The following GALNTL6 variants were observed in gnomAD, a reference collection of about 807,000 sequenced individuals.
GALNTL6 encodes polypeptide N-acetylgalactosaminyltransferase-like 6.
Under a neutral mutation model 73.7 loss-of-function variants are expected in GALNTL6, and 46 were observed. That is an observed-to-expected ratio of 0.62 (90% CI 0.49 to 0.80). GALNTL6 has a LOEUF of 0.80. GALNTL6 is among the 30% of genes least tolerant of loss of function. GALNTL6 has a pLI of 0.00. For missense variants in GALNTL6, 604 were observed against 755.0 expected (o/e 0.80, Z 2.34); for synonymous variants, 259 against 263.7 (o/e 0.98, Z 0.17).
chr4:172,909,775 T>C (rs959725430), intron 8 of GALNTL6, among the ~76,000 whole-genome samples: 2 of 152,120 alleles, frequency 1.3e-5, no homozygotes, highest in African/African-American at 4.8e-5. Context: ...ATTTTATTTC[T>C]ATTTACATAA....
intron 5 of GALNTL6, among the ~76,000 whole-genome samples, chr4:172,558,200 A>G (rs1400639800): frequency 6.6e-6 from 1 of 152,216 alleles, no homozygotes; most frequent in Non-Finnish European, 1.5e-5. Flanking sequence ...CATTGTTGCC[A>G]TTTGTGTGGG....
intron 2 of GALNTL6, among the ~76,000 whole-genome samples, chr4:171,857,276 A>T (rs1388125197): frequency 6.6e-6 from 1 of 152,206 alleles, no homozygotes; most frequent in Non-Finnish European, 1.5e-5. Context: ...AAAAAAAAGA[A>T]GTATATTGAA....
chr4:172,325,944 G>A (rs981909255), intron 4 of GALNTL6, among the ~76,000 whole-genome samples: 2 of 151,654 alleles, frequency 1.3e-5, no homozygotes, highest in Admixed American at 1.3e-4. Flanking sequence ...AATATTTATC[G>A]AAACAGACCA....
chr4:172,323,355 T>C (rs957449860), intron 4 of GALNTL6, among the ~76,000 whole-genome samples: 2 of 152,128 alleles, frequency 1.3e-5, no homozygotes, highest in African/African-American at 4.8e-5. Flanking sequence ...AAGATTAGAA[T>C]AGAAAAACAG....
At chr4:172,868,237 CTA>C (rs1456795777) in intron 7 of GALNTL6, among the ~76,000 whole-genome samples, 1 of 152,200 alleles carries the variant, frequency 6.6e-6, no homozygotes, top group Non-Finnish European at 1.5e-5. Flanking sequence ...CATCACAACA[CTA>C]TGCAAAAATC....
chr4:171,849,753 A>C (rs574935268), intron 2 of GALNTL6, among the ~76,000 whole-genome samples: 1 of 152,248 alleles, frequency 6.6e-6, no homozygotes, highest in African/African-American at 2.4e-5. Context: ...GAAGGTGGCC[A>C]TGCCGCAGGC....
intron 5 of GALNTL6, among the ~76,000 whole-genome samples, chr4:172,713,222 A>ATG (rs61504713): frequency 0.058 from 8,052 of 138,884 alleles, 237 homozygotes; most frequent in East Asian, 0.13. Context: ...AAAGAATAAG[A>ATG]TGTGTGTGTG....
In GALNTL6 at chr4:172,050,261, G is replaced by A; in HGVS notation, c.139-179395G>A. 1.3e-5 allele frequency among the ~76,000 whole-genome samples: 2 copies of A among 152,134 alleles called. 1 individual carries two copies. The highest frequency in any genetic ancestry group is 2.9e-5 in the Non-Finnish European group (2 of 68,034). On this transcript the variant is annotated intron_variant, in intron 2 of 12. Transcript: ENST00000506823. ...GGCACCAAGAAAGGAGAATCAGGCG[G>A]TTCAGGCTTTAGTCCCAACTTCCCC...
At position 172,359,801 on chromosome 4, in the gene GALNTL6, G is replaced by A. The variant is rs1349191915; in HGVS notation, c.553+11112G>A. Among the ~76,000 whole-genome samples, 3 of 152,050 alleles carry A rather than the reference G, an allele frequency of 2.0e-5. No individual in the cohort carries two copies. The East Asian group carries it at 5.8e-4, about 29-fold the overall frequency. On this transcript the variant is annotated intron_variant, in intron 5 of 12. Transcript: ENST00000506823. ...CAATCAGCCTATCCATCTACCCACT[G>A]ACTAAAGCACTTCATTCTACTTCTC...
chr4:172,742,232 T>C (rs1163332085), intron 5 of GALNTL6, among the ~76,000 whole-genome samples: 1 of 151,984 alleles, frequency 6.6e-6, no homozygotes, highest in Non-Finnish European at 1.5e-5. Context: ...AACCTGTTTG[T>C]TTGGGGTTTC....
intron 2 of GALNTL6, among the ~76,000 whole-genome samples, chr4:172,110,318 T>C (rs1213804153): frequency 6.6e-6 from 1 of 152,154 alleles, no homozygotes; most frequent in Non-Finnish European, 1.5e-5. Context: ...GATAAGGAAA[T>C]AAAACGTGGT....
chr4:171,922,670 C>A (rs561620956), intron 2 of GALNTL6, among the ~76,000 whole-genome samples: 50 of 152,152 alleles, frequency 3.3e-4, no homozygotes, highest in African/African-American at 1.2e-3. Flanking sequence ...AAGGGACTCA[C>A]TACACCTCCT....
chr4:172,659,010 A>G (rs372265475), intron 5 of GALNTL6, among the ~76,000 whole-genome samples: 2 of 152,334 alleles, frequency 1.3e-5, no homozygotes, highest in East Asian at 1.9e-4. Flanking sequence ...ATTGAGTGCT[A>G]CTTTGTGCCA....
intron 2 of GALNTL6, among the ~76,000 whole-genome samples, chr4:172,073,540 A>G (rs987210241): frequency 6.6e-6 from 1 of 152,354 alleles, no homozygotes; most frequent in East Asian, 1.9e-4. Context: ...CCCATAAAAC[A>G]TTCATGGGTC....
chr4:172,494,967 T>G (rs538872420), intron 5 of GALNTL6, among the ~76,000 whole-genome samples: 1 of 152,270 alleles, frequency 6.6e-6, no homozygotes, highest in East Asian at 1.9e-4. Flanking sequence ...GCAATCAAGT[T>G]GACACTCAAT....
chr4:172,859,046 G>A (rs75032150), intron 7 of GALNTL6, among the ~76,000 whole-genome samples: 12 of 140,140 alleles, frequency 8.6e-5, no homozygotes, highest in African/African-American at 8.0e-5. Context: ...GAGTGGTCAG[G>A]AAAAAAAAAA....
intron 5 of GALNTL6, among the ~76,000 whole-genome samples, chr4:172,355,725 T>C (rs189621851): frequency 1.6e-4 from 25 of 152,306 alleles, no homozygotes; most frequent in African/African-American, 5.8e-4. Flanking sequence ...AGCTTTTACA[T>C]TTTTTAAGCA....
At chr4:172,112,722 A>G (rs185585600) in intron 2 of GALNTL6, among the ~76,000 whole-genome samples, 55 of 152,054 alleles carry the variant, frequency 3.6e-4, no homozygotes, top group Middle Eastern at 3.4e-3. Flanking sequence ...ACCCATGACG[A>G]TGGTATTAGG....
At chr4:172,798,999 T>G (rs944264702) in intron 5 of GALNTL6, among the ~76,000 whole-genome samples, 1 of 152,190 alleles carries the variant, frequency 6.6e-6, no homozygotes, top group African/African-American at 2.4e-5. Flanking sequence ...TGAGTTTTCT[T>G]AGAAGAATGG....
Sources: gnomAD v4.1 joint callset for allele counts (sites outside exome capture counted in the v4.1 genomes callset) on GRCh38, gnomAD v4.1.1 for gene constraint, MANE v1.5 for transcripts, NCBI Gene and HGNC (gene_info 2026-07-23, HGNC 2026-07-21) for gene names.